NWD2: variants seen among roughly 807,000 people sequenced by gnomAD.
The protein encoded by NWD2 is NACHT and WD repeat domain containing 2, also known as NACHT and WD repeat domain-containing protein 2.
In NWD2, 37 loss-of-function variants were observed where a neutral mutation model predicts 132.7. That is an observed-to-expected ratio of 0.28 (90% confidence interval 0.21 to 0.37). The LOEUF is 0.37. Ranked by LOEUF, NWD2 falls within the 10% of genes least tolerant of loss-of-function variation. The probability of loss-of-function intolerance (pLI) is 1.00; values close to 1 mark genes in which losing one functional copy is unlikely to be tolerated. For synonymous variants in NWD2, 705 were observed against 803.0 expected, an observed-to-expected ratio of 0.88 and a Z score of 2.06; for missense variants, 1,592 against 2,122.4, an observed-to-expected ratio of 0.75 and a Z score of 4.91.
chr4:37,253,495 TTGTC>T (rs529894959), intron 1 of NWD2, among the ~76,000 whole-genome samples: 163 of 152,246 alleles, frequency 1.1e-3, no homozygotes, highest in Non-Finnish European at 2.1e-3. Flanking sequence ...TGGGCAGAGA[TTGTC>T]TGGTTTCTTC....
chr4:37,284,389 CAT>C (rs1718185159), intron 1 of NWD2, among the ~76,000 whole-genome samples: 1 of 152,176 alleles, frequency 6.6e-6, no homozygotes, highest in Non-Finnish European at 1.5e-5. Flanking sequence ...AGGATTTGAA[CAT>C]ATGAATTTTG....
chr4:37,389,739 T>C (rs1285975335), intron 3 of NWD2, among the ~76,000 whole-genome samples: 2 of 152,140 alleles, frequency 1.3e-5, no homozygotes, highest in Admixed American at 1.3e-4. Context: ...ATGCTCCTTT[T>C]CTTATAAAAT....
intron 2 of NWD2, among the ~76,000 whole-genome samples, chr4:37,355,657 C>T (rs1719856353): frequency 6.6e-6 from 1 of 152,206 alleles, no homozygotes; most frequent in South Asian, 2.1e-4. Flanking sequence ...TGATGCTCTC[C>T]ATAGCACTTT....
chr4:37,417,674 C>T (rs938452498), intron 3 of NWD2, among the ~76,000 whole-genome samples: 7 of 151,990 alleles, frequency 4.6e-5, no homozygotes, highest in Admixed American at 3.9e-4. Context: ...AATCATTTCC[C>T]ACAAGGAGGA....
At chr4:37,334,231 A>G (rs932449057) in intron 2 of NWD2, among the ~76,000 whole-genome samples, 1 of 152,238 alleles carries the variant, frequency 6.6e-6, no homozygotes, top group African/African-American at 2.4e-5. Context: ...CCCAAATAAG[A>G]CCACCTCAAG....
chr4:37,276,822 A>G (rs1439243755), intron 1 of NWD2, among the ~76,000 whole-genome samples: 1 of 152,156 alleles, frequency 6.6e-6, no homozygotes, highest in Non-Finnish European at 1.5e-5. Context: ...TGATGAGTTC[A>G]TGTCCTTTGT....
chr4:37,274,983 G>T (rs1400738087), intron 1 of NWD2, among the ~76,000 whole-genome samples: 1 of 152,130 alleles, frequency 6.6e-6, no homozygotes, highest in East Asian at 1.9e-4. Context: ...ATACTGAATG[G>T]ACAAAAACTG....
intron 1 of NWD2, among the ~76,000 whole-genome samples, chr4:37,250,278 A>C (rs1445663080): frequency 6.6e-6 from 1 of 152,240 alleles, no homozygotes; most frequent in Non-Finnish European, 1.5e-5. Flanking sequence ...TAGGACATTT[A>C]GAGTAAATGA....
At chr4:37,359,777 A>C (rs553534817) in intron 3 of NWD2, among the ~76,000 whole-genome samples, 1 of 152,126 alleles carries the variant, frequency 6.6e-6, no homozygotes, top group African/African-American at 2.4e-5. Context: ...TTCATTTCCT[A>C]TAAGTTGTCA....
intron 3 of NWD2, among the ~76,000 whole-genome samples, chr4:37,361,682 A>G (rs1026830088): frequency 6.6e-6 from 1 of 152,174 alleles, no homozygotes; most frequent in African/African-American, 2.4e-5. Flanking sequence ...TCAAAATAAT[A>G]AGAGCCATCT....
At chr4:37,348,637 CATATATATATATATATATATAT>C (rs370439742) in intron 2 of NWD2, among the ~76,000 whole-genome samples, 14 of 26,554 alleles carry the variant, frequency 5.3e-4, no homozygotes, top group Admixed American at 7.6e-4. Flanking sequence ...GTGGTTAATT[CATATATATATATATATATATAT>C]ATATATATAT....
Position 37,420,566 on chromosome 4 carries a change from C to G in NWD2, c.358-10006C>G, listed in dbSNP as rs559481545. Among the ~76,000 whole-genome samples, 46 of 152,236 alleles carry G rather than the reference C, an allele frequency of 3.0e-4. 2 individuals carry two copies. The highest frequency in any genetic ancestry group is 2.2e-3 in the Admixed American group (34 of 15,302). On this transcript the variant is annotated intron_variant, in intron 3 of 6. Coordinates refer to ENST00000309447, the MANE Select transcript of NWD2 (RefSeq NM_001144990.2). ...GGTGTGGTGGTGTGCACCTGTAGTCCCAGCTACTCAGGAGGCTGAGACAGG... is the reference window on the plus strand; with the variant it reads ...GGTGTGGTGGTGTGCACCTGTAGTCGCAGCTACTCAGGAGGCTGAGACAGG...
chr4:37,439,291 C>T lies in NWD2; in HGVS notation c.1197C>T (p.Asn399=). The T allele has an allele frequency of 6.4e-7, 1 of 1,550,992 alleles. No homozygotes were observed. The highest frequency in any genetic ancestry group is 1.2e-5 in the South Asian group (1 of 83,944). The stretch of plus-strand genomic sequence containing the variant: ...GTGAATCTCTAAACATAGTGCATAA[C>T]TACATTCTTCCAAGCAAAGCTGGAC... ...YKCESLNIVH[N]YILPSKAGHI... The change falls in exon 6 of 7, where the codon AAC becomes AAT. Residue 399 remains asparagine, a synonymous_variant. Coordinates refer to ENST00000309447, the MANE Select transcript of NWD2 (RefSeq NM_001144990.2). The surrounding 1 kb of genome is among the most constrained non-coding windows in gnomAD (Gnocchi z 4.5).
At chr4:37,276,053 T>C (rs1718005095) in intron 1 of NWD2, among the ~76,000 whole-genome samples, 2 of 152,158 alleles carry the variant, frequency 1.3e-5, no homozygotes, top group South Asian at 2.1e-4. Context: ...GGACTTCATG[T>C]CTAAAACACC....
In NWD2 at chr4:37,245,174, C is replaced by T. The variant is rs1222203222; in HGVS notation, c.107C>T (p.Pro36Leu). 1.3e-6 allele frequency: 2 copies of T among 1,545,024 alleles called. No individual in the cohort carries two copies. Among genetic ancestry groups the T allele is most frequent in the Admixed American group, 3.9e-5 (2 of 50,896 alleles). Residue 36 changes from proline to leucine, a missense_variant, in exon 1 of 7, where the codon CCC becomes CTC. Pro to Leu is a moderately conservative substitution (Grantham distance 98). Coordinates refer to ENST00000309447, the MANE Select transcript of NWD2 (RefSeq NM_001144990.2). ...ACGGCCCTGCCCTCTCACCTCGTGC[C>T]CGCCGGCCGCAGCGTCCGGGTCTTC... ...NLTALPSHLVPAGRSVRVFIS... is the reference protein window; with the variant it reads ...NLTALPSHLVLAGRSVRVFIS...
At chr4:37,309,642 T>G (rs534451931) in intron 1 of NWD2, among the ~76,000 whole-genome samples, 2 of 152,266 alleles carry the variant, frequency 1.3e-5, no homozygotes, top group African/African-American at 4.8e-5. Flanking sequence ...TACACTAGTC[T>G]CAAAGCCTGT....
intron 1 of NWD2, among the ~76,000 whole-genome samples, chr4:37,247,001 CG>C (rs1553888780): frequency 6.6e-6 from 1 of 152,104 alleles, no homozygotes; most frequent in Non-Finnish European, 1.5e-5. Context: ...CTAGTTTCTT[CG>C]AATAAAAGCT....
chr4:37,360,747 G>A (rs553464871), intron 3 of NWD2, among the ~76,000 whole-genome samples: 1 of 152,190 alleles, frequency 6.6e-6, no homozygotes, highest in Admixed American at 6.5e-5. Flanking sequence ...CTTTTGGAGA[G>A]AGCAGAGGTC....
intron 2 of NWD2, among the ~76,000 whole-genome samples, chr4:37,337,201 G>A (rs1396426227): frequency 6.6e-6 from 1 of 152,190 alleles, no homozygotes; most frequent in Admixed American, 6.5e-5. Context: ...GAAATCAAGA[G>A]AGGCACATGA....
Sources: allele counts gnomAD v4.1 joint callset (sites outside exome capture counted in the v4.1 genomes callset), GRCh38; gene constraint gnomAD v4.1.1; non-coding constraint Gnocchi (gnomAD v3.1); transcripts MANE v1.5; gene names NCBI Gene and HGNC (gene_info 2026-07-23, HGNC 2026-07-21).